Variants in ARHGEF12 observed in about 807,000 individuals in gnomAD.
ARHGEF12 encodes KMT2A/ARHGEF12 fusion protein.
ARHGEF12 carries 66 observed loss-of-function variants against 211.2 expected under a neutral mutation model. The observed-to-expected ratio is 0.31, with a 90% CI of 0.26 to 0.38. The LOEUF (loss-of-function observed/expected upper bound fraction) is 0.38. Among genes scored for constraint, ARHGEF12 ranks in the 10% least tolerant of loss-of-function variants. The pLI is 1.00. For missense variants in ARHGEF12, 1,429 were observed against 1,869.5 expected (o/e 0.76, Z 4.34); for synonymous variants, 592 against 638.4 (o/e 0.93, Z 1.09).
At chr11:120,345,705 A>C in intron 1 of ARHGEF12, among the ~76,000 whole-genome samples, 1 of 150,982 alleles carries the variant, frequency 6.6e-6, no homozygotes, top group East Asian at 1.9e-4. Context: ...CCGTCTCAAA[A>C]AAAAAAAAAA....
At chr11:120,432,171 G>A (rs967713070) in intron 11 of ARHGEF12, among the ~76,000 whole-genome samples, 3 of 152,136 alleles carry the variant, frequency 2.0e-5, no homozygotes, top group East Asian at 3.9e-4. Flanking sequence ...CATCTTGTTC[G>A]TGGGTAGAGA....
chr11:120,351,174 C>G (rs563700200), intron 1 of ARHGEF12, among the ~76,000 whole-genome samples: 24 of 150,638 alleles, frequency 1.6e-4, no homozygotes, highest in African/African-American at 5.4e-4. Context: ...ACGGTGAAAC[C>G]CCGTCTCTAC....
chr11:120,371,975 T>C (rs1591513055), intron 1 of ARHGEF12, among the ~76,000 whole-genome samples: 1 of 152,244 alleles, frequency 6.6e-6, no homozygotes, highest in East Asian at 1.9e-4. Context: ...AAAGCAGCAC[T>C]CACCAAAACT....
intron 15 of ARHGEF12, among the ~76,000 whole-genome samples, 156 bp from the exon 16 acceptor site, chr11:120,445,266 C>G (rs553824760): frequency 2.6e-5 from 4 of 152,170 alleles, no homozygotes; most frequent in Non-Finnish European, 5.9e-5. Flanking sequence ...ATAGAATGTT[C>G]TGGAGTTGTG....
chr11:120,487,738 C>A lies in ARHGEF12; in HGVS notation c.*2661C>A, dbSNP rs969822821. 6.3e-5 allele frequency: 14 copies of A among 221,922 alleles called. No homozygotes were observed. Among genetic ancestry groups the A allele is most frequent in the African/African-American group, 1.3e-4 (6 of 44,654 alleles). 13.7% of individuals were successfully genotyped at this position (221,922 alleles called of 1,614,324 possible). On this transcript the variant is annotated 3_prime_UTR_variant, in exon 41 of 41. Coordinates refer to ENST00000397843, the MANE Select transcript of ARHGEF12 (RefSeq NM_015313.3). Reference sequence around the variant, plus strand: ...GGAAGTGACCTGCTGTGACACTGTGCTCTCTTCTGTGGGCTTAATGGTTCC... The same window carrying A: ...GGAAGTGACCTGCTGTGACACTGTGATCTCTTCTGTGGGCTTAATGGTTCC...
chr11:120,428,015 TCTTGACAATGTTATTTTCCCTTCC>T (rs1383528585), intron 7 of ARHGEF12, 30 bp from the exon 8 acceptor site: 1 of 1,442,378 alleles, frequency 6.9e-7, no homozygotes, highest in Non-Finnish European at 9.2e-7. Flanking sequence ...ATAAAAAGTT[TCTTGACAATGTTATTTTCCCTTCC>T]CTTCCCTTTT....
Position 120,480,422 on chromosome 11 carries a change from G to A in ARHGEF12, c.4229G>A (p.Arg1410His), listed in dbSNP as rs202128571. Residue 1410 changes from arginine to histidine, a missense_variant, in exon 38 of 41, where the codon CGC (arginine) becomes CAC (histidine). This residue lies in a region of ARHGEF12 where 467 missense variants were observed against 468.4 expected (regional missense o/e 1.00). Transcript: ENST00000397843. Reference sequence around the variant, plus strand: ...AAGGAAGAGAAGGATGTTAATTTACGCATCTCAGGCAAGTATCTTTCACAC... The same window carrying A: ...AAGGAAGAGAAGGATGTTAATTTACACATCTCAGGCAAGTATCTTTCACAC... Reference protein sequence around the residue: ...VNKEEKDVNLRISGNYLILDG... With the variant: ...VNKEEKDVNLHISGNYLILDG... The A allele has an allele frequency of 6.2e-5, 100 of 1,604,862 alleles. No individual in the cohort carries two copies. Among genetic ancestry groups the A allele is most frequent in the Middle Eastern group, 1.8e-4 (1 of 5,542 alleles).
intron 1 of ARHGEF12, among the ~76,000 whole-genome samples, chr11:120,399,517 T>C (rs894187618): frequency 1.3e-5 from 2 of 151,978 alleles, no homozygotes; most frequent in African/African-American, 4.8e-5. Context: ...ATGACTGTGG[T>C]TGGGCTTCTT....
chr11:120,466,863 A>G (rs997381891), intron 28 of ARHGEF12, among the ~76,000 whole-genome samples: 2 of 152,238 alleles, frequency 1.3e-5, no homozygotes, highest in Non-Finnish European at 2.9e-5. Context: ...AGGAATGTCA[A>G]TCATAGGAGA....
At chr11:120,428,275 A>G in intron 8 of ARHGEF12, 28 bp downstream of exon 8, 1 of 1,544,798 alleles carries the variant, frequency 6.5e-7, no homozygotes, top group Non-Finnish European at 8.7e-7. Context: ...TCTTAGTTAA[A>G]TGCTCAGTCT....
chr11:120,347,856 G>T (rs987136383), intron 1 of ARHGEF12, among the ~76,000 whole-genome samples: 11 of 152,174 alleles, frequency 7.2e-5, no homozygotes, highest in African/African-American at 2.7e-4. Context: ...AAAATAAACA[G>T]ATATAATCTC....
chr11:120,351,828 G>A (rs1329987942), intron 1 of ARHGEF12, among the ~76,000 whole-genome samples: 2 of 152,024 alleles, frequency 1.3e-5, no homozygotes, highest in Non-Finnish European at 2.9e-5. Context: ...GGTACTTCCT[G>A]TGCATTGTCT....
intron 27 of ARHGEF12, among the ~76,000 whole-genome samples, chr11:120,461,256 A>C (rs1474470104): frequency 6.6e-6 from 1 of 152,206 alleles, no homozygotes; most frequent in Non-Finnish European, 1.5e-5. Flanking sequence ...ATAAGACTTG[A>C]AAGTGAAAAT....
In ARHGEF12 at chr11:120,412,664, A is replaced by G. The variant is rs541871503; in HGVS notation, c.199+3214A>G. Among the ~76,000 whole-genome samples the G allele has an allele frequency of 3.9e-5, 6 of 152,206 alleles. No homozygotes were observed. The East Asian group carries it at 5.8e-4, about 15-fold the overall frequency. On this transcript the variant is annotated intron_variant, in intron 4 of 40. Transcript: ENST00000397843. ...GGCATGACCCAAGTTTCTGTCCCCA[A>G]TCTTTCTTCCAGTCTCCAGTCTAAG...
In ARHGEF12 at chr11:120,377,870, T is replaced by C. The variant is rs531598649; in HGVS notation, c.33-28248T>C. 2.6e-5 allele frequency among the ~76,000 whole-genome samples: 4 copies of C among 152,312 alleles called. No individual in the cohort carries two copies. The East Asian group carries it at 7.7e-4, about 29-fold the overall frequency. ...GGCATATATTTTTCTTTCTCTTTGG[T>C]AAACATCTCAGAGTAGAATTGCTGA... On this transcript the variant is annotated intron_variant, in intron 1 of 40. Coordinates refer to ENST00000397843, the MANE Select transcript of ARHGEF12 (RefSeq NM_015313.3).
Position 120,487,336 on chromosome 11 carries a change from A to G in ARHGEF12, c.*2259A>G, listed in dbSNP as rs1352233004. On this transcript the variant is annotated 3_prime_UTR_variant, in exon 41 of 41. Transcript: ENST00000397843. Reference sequence around the variant, plus strand: ...AAAATACTTTGACCATAGCTCTAGTACTTCCAAATAAATTCATATCTAGAT... The same window carrying G: ...AAAATACTTTGACCATAGCTCTAGTGCTTCCAAATAAATTCATATCTAGAT... The G allele has an allele frequency of 1.8e-5, 4 of 219,120 alleles. No individual in the cohort carries two copies. Among genetic ancestry groups the G allele is most frequent in the African/African-American group, 9.0e-5 (4 of 44,610 alleles). The allele number at this position is 219,120 out of a possible 1,614,324, so 13.6% of individuals were successfully genotyped here.
intron 34 of ARHGEF12, 25 bp downstream of exon 34, chr11:120,476,773 G>C: frequency 6.6e-7 from 1 of 1,524,334 alleles, no homozygotes; most frequent in Non-Finnish European, 9.0e-7. Context: ...TGGCTACCTT[G>C]CTATAGCTAA....
In ARHGEF12 at chr11:120,485,124, C is replaced by G; in HGVS notation, c.*47C>G. The G allele has an allele frequency of 6.2e-7, 1 of 1,611,384 alleles. No individual in the cohort carries two copies. The highest frequency in any genetic ancestry group is 1.7e-5 in the Admixed American group (1 of 59,986). ...CTGCAGGTTGTTGGATTTGGAGTAT[C>G]GGCCGTGTCTCACCACATCCTGGCT... On this transcript the variant is annotated 3_prime_UTR_variant, in exon 41 of 41. Transcript: ENST00000397843.
At chr11:120,404,298 C>G (rs1047875815) in intron 1 of ARHGEF12, among the ~76,000 whole-genome samples, 2 of 152,104 alleles carry the variant, frequency 1.3e-5, no homozygotes, top group South Asian at 4.1e-4. Flanking sequence ...CTAGCTGAAG[C>G]AGAGAGAACT....
Sources: allele counts gnomAD v4.1 joint callset (sites outside exome capture counted in the v4.1 genomes callset), GRCh38; gene constraint gnomAD v4.1.1; regional missense constraint gnomAD v4.1.1; transcripts MANE v1.5; gene names NCBI Gene and HGNC (gene_info 2026-07-23, HGNC 2026-07-21).